The following GOLGA1 variants were observed in gnomAD, a reference collection of about 807,000 sequenced individuals.
GOLGA1 encodes golgin subfamily A member 1.
GOLGA1 carries 63 observed loss-of-function variants against 119.7 expected under a neutral mutation model. That is an observed-to-expected ratio of 0.53 (90% CI 0.43 to 0.65). The LOEUF (loss-of-function observed/expected upper bound fraction) is 0.65. Among genes scored for constraint, GOLGA1 ranks in the 30% least tolerant of loss-of-function variants. The pLI is 0.00. For synonymous variants in GOLGA1, 318 were observed against 333.4 expected (o/e 0.95, Z 0.50); for missense variants, 798 against 912.8 (o/e 0.87, Z 1.62).
At chr9:124,880,842 G>A (rs932693388) in intron 22 of GOLGA1, among the ~76,000 whole-genome samples, 1 of 152,226 alleles carries the variant, frequency 6.6e-6, no homozygotes, top group African/African-American at 2.4e-5. Flanking sequence ...TAGTGGAACT[G>A]CAGGTATTTT....
intron 1 of GOLGA1, chr9:124,947,231 A>T (rs1831159351): frequency 6.6e-6 from 1 of 152,202 alleles, no homozygotes; most frequent in Non-Finnish European, 1.5e-5. Flanking sequence ...TACATAATTT[A>T]CTACTCAGTA....
chr9:124,921,308 A>G, intron 9 of GOLGA1, 68 bp from the exon 10 acceptor site: 2 of 899,124 alleles, frequency 2.2e-6, no homozygotes, highest in South Asian at 1.3e-5. Flanking sequence ...CTTCTGCAGG[A>G]AAAATACAAA....
chr9:124,926,152 T>C (rs776110959), intron 7 of GOLGA1, among the ~76,000 whole-genome samples: 82 of 152,248 alleles, frequency 5.4e-4, no homozygotes, highest in South Asian at 1.0e-3. Context: ...AGCTGTGGGA[T>C]GGGTAAGATA....
chr9:124,938,173 T>G (rs994435773), intron 3 of GOLGA1, among the ~76,000 whole-genome samples: 2 of 151,672 alleles, frequency 1.3e-5, no homozygotes, highest in African/African-American at 2.4e-5. Context: ...AATACAACAA[T>G]GCACTCTTGC....
chr9:124,912,733 G>A (rs1305610409), intron 10 of GOLGA1, among the ~76,000 whole-genome samples: 4 of 151,944 alleles, frequency 2.6e-5, no homozygotes, highest in African/African-American at 9.7e-5. Context: ...TAGTAGAGAC[G>A]GGGTTTCACC....
chr9:124,899,950 T>C (rs534188907), intron 13 of GOLGA1, among the ~76,000 whole-genome samples: 1 of 152,244 alleles, frequency 6.6e-6, no homozygotes, highest in African/African-American at 2.4e-5. Context: ...AGGATGACAG[T>C]GCATAATTCT....
chr9:124,939,792 C>A (rs971782883), intron 2 of GOLGA1, among the ~76,000 whole-genome samples: 4 of 152,056 alleles, frequency 2.6e-5, no homozygotes, highest in Admixed American at 2.6e-4. Context: ...AAACTCTTGA[C>A]CTCAGATGAT....
Position 124,900,436 on chromosome 9 carries a change from TC to T in GOLGA1, c.1161+15del. On this transcript the variant is annotated intron_variant, in intron 13 of 22. Transcript: ENST00000373555. ...CATTAAGGGCCTGGAATGCAGCAGCTCCAATAAGCACTTACGAGCTCCTGTA... is the reference window on the plus strand; with the variant it reads ...CATTAAGGGCCTGGAATGCAGCAGCTCAATAAGCACTTACGAGCTCCTGTA... The T allele has an allele frequency of 7.9e-7, 1 of 1,270,360 alleles. No homozygotes were observed. The highest frequency in any genetic ancestry group is 1.2e-6 in the Non-Finnish European group (1 of 866,206). The allele number at this position is 1,270,360 out of a possible 1,614,324, so 78.7% of individuals were successfully genotyped here.
At chr9:124,906,137 A>AAATAAATAAATG (rs1158167309) in intron 12 of GOLGA1, among the ~76,000 whole-genome samples, 1 of 151,304 alleles carries the variant, frequency 6.6e-6, no homozygotes, top group Non-Finnish European at 1.5e-5. Context: ...ATAAATAAAT[A>AAATAAATAAATG]AATAAATAAA....
chr9:124,916,924 CCAT>C (rs1830460558), intron 10 of GOLGA1, among the ~76,000 whole-genome samples: 1 of 138,984 alleles, frequency 7.2e-6, no homozygotes, highest in African/African-American at 2.7e-5. Context: ...AAAAAACCCA[CCAT>C]CGACAAAAAT....
At chr9:124,926,833 G>A in intron 6 of GOLGA1, 92 bp from the exon 7 acceptor site, 2 of 623,368 alleles carry the variant, frequency 3.2e-6, no homozygotes, top group Admixed American at 2.8e-5. Context: ...ACTCTTCCCA[G>A]AAAGCAACTA....
intron 9 of GOLGA1, 120 bp from the exon 10 acceptor site, chr9:124,921,360 T>C (rs1002690446): frequency 1.7e-5 from 12 of 692,184 alleles, no homozygotes; most frequent in African/African-American, 1.6e-4. Context: ...ATTAGCCACA[T>C]GCAGGTTTTC....
In GOLGA1 at chr9:124,888,389, G is replaced by A. The variant is rs757022400; in HGVS notation, c.1769C>T (p.Ser590Leu). Reference sequence around the variant, plus strand: ...GAACACAGGGTCCTGCATGGCCCTCGAGGTCACCTACAAGGTGGCAGCAGC... The same window carrying A: ...GAACACAGGGTCCTGCATGGCCCTCAAGGTCACCTACAAGGTGGCAGCAGC... ...ALSVNESHVT[S>L]RAMQDPVFQL... Residue 590 changes from serine to leucine, a missense_variant, in exon 19 of 23, where the codon TCG (serine) becomes TTG (leucine). By Grantham distance (145) the Ser-to-Leu change is moderately radical (BLOSUM62 -2). Transcript: ENST00000373555. The surrounding 1 kb of genome is among the most constrained non-coding windows in gnomAD (Gnocchi z 4.4). 14 of 1,613,932 alleles carry A rather than the reference G, an allele frequency of 8.7e-6. No homozygotes were observed. Among genetic ancestry groups the A allele is most frequent in the Admixed American group, 3.3e-5 (2 of 60,010 alleles).
chr9:124,940,885 C>T (rs1736202332), intron 1 of GOLGA1, 86 bp downstream of exon 1: 2 of 152,406 alleles, frequency 1.3e-5, no homozygotes, highest in African/African-American at 2.4e-5. Flanking sequence ...GCTCGGGCAA[C>T]CCTGACCGGG....
chr9:124,910,176 G>A (rs759518117), intron 11 of GOLGA1, among the ~76,000 whole-genome samples: 2 of 152,068 alleles, frequency 1.3e-5, no homozygotes, highest in South Asian at 2.1e-4. Flanking sequence ...TGATCCGCCC[G>A]CCTCGGCCTC....
At chr9:124,900,363 C>T (rs1475103798) in intron 13 of GOLGA1, 89 bp downstream of exon 13, 2 of 731,748 alleles carry the variant, frequency 2.7e-6, no homozygotes, top group African/African-American at 1.7e-5. Context: ...GTACCGTTGC[C>T]GAAGTTCGGA....
At chr9:124,882,245 G>A (rs371674672) in intron 20 of GOLGA1, among the ~76,000 whole-genome samples, 3 of 152,208 alleles carry the variant, frequency 2.0e-5, no homozygotes, top group Admixed American at 1.3e-4. Context: ...GCATCACTGC[G>A]CTGGCGTGGC....
intron 16 of GOLGA1, 111 bp downstream of exon 16, chr9:124,890,278 A>ATTACC (rs1191243646): frequency 2.5e-5 from 19 of 754,746 alleles, no homozygotes; most frequent in Non-Finnish European, 3.7e-5. Flanking sequence ...TCCTGAGTCT[A>ATTACC]CTACCCTACC....
In GOLGA1 at chr9:124,879,079, C is replaced by T. The variant is rs889574021; in HGVS notation, c.*1451G>A. The T allele has an allele frequency of 3.3e-5, 5 of 152,198 alleles. No individual in the cohort carries two copies. Among genetic ancestry groups the T allele is most frequent in the Admixed American group, 2.0e-4 (3 of 15,284 alleles). 9.4% of individuals were successfully genotyped at this position (152,198 alleles called of 1,614,324 possible). A position where few individuals can be genotyped will look rare whatever the true frequency, so the allele number is the denominator to read the frequency against. ...CTGACTTGGTTCTTCATGGAAATTT[C>T]GTTAGGTTAACGTTGCAAATGCGTG... On this transcript the variant is annotated 3_prime_UTR_variant, in exon 23 of 23. Coordinates refer to ENST00000373555, the MANE Select transcript of GOLGA1 (RefSeq NM_002077.4).
Sources: gnomAD v4.1 joint callset for allele counts (sites outside exome capture counted in the v4.1 genomes callset) on GRCh38, gnomAD v4.1.1 for gene constraint, Gnocchi (gnomAD v3.1) non-coding constraint, MANE v1.5 for transcripts, NCBI Gene and HGNC (gene_info 2026-07-23, HGNC 2026-07-21) for gene names.